Variants in TTLL8 observed in about 807,000 individuals in gnomAD.
TTLL8 encodes protein monoglycylase TTLL8.
Under a neutral mutation model 77.8 loss-of-function variants are expected in TTLL8, and 65 were observed. The ratio of observed to expected loss-of-function variants is 0.84; its 90% confidence interval spans 0.68 to 1.03. The LOEUF (loss-of-function observed/expected upper bound fraction) is 1.03, where lower values mean the gene tolerates loss of function less well. Ranked by LOEUF, TTLL8 falls within the 50% of genes least tolerant of loss-of-function variation. TTLL8 has a pLI of 0.00. For missense variants in TTLL8, 910 were observed against 1,004.5 expected, an observed-to-expected ratio of 0.91 and a Z score of 1.27; for synonymous variants, 402 against 422.8, an observed-to-expected ratio of 0.95 and a Z score of 0.60.
chr22:50,058,168 G>A (rs1158934299), upstream of TTLL8, among the ~76,000 whole-genome samples: 1 of 151,948 alleles, frequency 6.6e-6, no homozygotes, highest in African/African-American at 2.4e-5. The surrounding 1 kb of genome is among the most constrained non-coding windows in gnomAD (Gnocchi z 4.2). Flanking sequence ...GACCGGGTCA[G>A]TGGCTCGCGC....
At chr22:50,043,458 G>A (rs576264036) in intron 6 of TTLL8, among the ~76,000 whole-genome samples, 2 of 146,760 alleles carry the variant, frequency 1.4e-5, no homozygotes, top group South Asian at 4.4e-4. Context: ...TCGGTAGATG[G>A]ATAGATAGAT....
chr22:50,056,383 C>A (rs1221442030), upstream of TTLL8, among the ~76,000 whole-genome samples: 1 of 151,960 alleles, frequency 6.6e-6, no homozygotes, highest in African/African-American at 2.4e-5. This position sits in a 1 kb window ranked among gnomAD's most constrained non-coding sequence, Gnocchi z 4.1. Context: ...GCAGCGAGGA[C>A]ACCCACTGCG....
intron 12 of TTLL8, among the ~76,000 whole-genome samples, chr22:50,028,632 ACC>A: frequency 1.6e-5 from 1 of 62,744 alleles, no homozygotes; most frequent in Non-Finnish European, 3.5e-5. Context: ...ACCCCCACAT[ACC>A]CTCGTAAAGA....
At position 50,030,690 on chromosome 22, in the gene TTLL8, AG is replaced by A. The variant is rs1391385806; in HGVS notation, c.1942del (p.Leu648TrpfsTer7). On this transcript the variant is annotated frameshift_variant, in exon 12 of 14. Transcript: ENST00000266182. LOFTEE classifies it high-confidence loss of function. ...CCCCCTTAAGGGTGCCAGCAAGGCC[AG>A]GGGGAGCCCCTTCTCTTCCTTCAGT... is the stretch of plus-strand genomic sequence containing the variant. 8.5e-6 allele frequency: 11 copies of A among 1,286,634 alleles called. No individual in the cohort carries two copies. The highest frequency in any genetic ancestry group is 1.1e-5 in the Non-Finnish European group (11 of 983,456). 79.7% of individuals were successfully genotyped at this position (1,286,634 alleles called of 1,614,324 possible).
chr22:50,030,830 G>A, exon 12 of TTLL8: 3 of 1,345,314 alleles, frequency 2.2e-6, no homozygotes, highest in Non-Finnish European at 3.0e-6. Context: ...AGGCCTTGAG[G>A]TTGCAGACGG....
At chr22:50,050,241 T>C (rs750941445) in exon 2 of TTLL8, 63 of 1,327,784 alleles carry the variant, frequency 4.7e-5, no homozygotes, top group Non-Finnish European at 5.9e-5. Flanking sequence ...GAGAAAATCT[T>C]CTTCTCCTAA....
chr22:50,023,072 T>A (rs978708903), intron 12 of TTLL8, among the ~76,000 whole-genome samples: 1 of 152,224 alleles, frequency 6.6e-6, no homozygotes, highest in Non-Finnish European at 1.5e-5. Context: ...ACAGTGTCCA[T>A]GTACAAAACC....
chr22:50,046,189 A>C (rs2061410341), intron 4 of TTLL8, among the ~76,000 whole-genome samples: 1 of 152,160 alleles, frequency 6.6e-6, no homozygotes, highest in Non-Finnish European at 1.5e-5. Flanking sequence ...GGCCAGGCTC[A>C]GACGCATCCT....
At chr22:50,047,485 A>G (rs547048395) in intron 3 of TTLL8, among the ~76,000 whole-genome samples, 189 bp from the exon 6 acceptor site, 2 of 152,322 alleles carry the variant, frequency 1.3e-5, no homozygotes, top group South Asian at 2.1e-4. Flanking sequence ...CCAGGACCAC[A>G]TACGGTTTCC....
At chr22:50,051,687 C>G (rs1186019403) in intron 1 of TTLL8, among the ~76,000 whole-genome samples, 1 of 152,156 alleles carries the variant, frequency 6.6e-6, no homozygotes, top group Non-Finnish European at 1.5e-5. Context: ...ACCACTTCCA[C>G]GCGGACCTCT....
At chr22:50,056,789 G>A, upstream of TTLL8, 1 of 1,288,868 alleles carries the variant, frequency 7.8e-7, no homozygotes, top group Non-Finnish European at 1.0e-6. This position sits in a 1 kb window ranked among gnomAD's most constrained non-coding sequence, Gnocchi z 4.1. Context: ...TTTCCTGGCA[G>A]CAGGCTGCAG....
intron 10 of TTLL8, among the ~76,000 whole-genome samples, chr22:50,032,391 T>C (rs1275500192): frequency 6.6e-6 from 1 of 152,200 alleles, no homozygotes; most frequent in African/African-American, 2.4e-5. Context: ...CTGCCCTGCC[T>C]GGGAGCTGCT....
At chr22:50,027,676 T>G in intron 12 of TTLL8, 4 of 985,452 alleles carry the variant, frequency 4.1e-6, no homozygotes, top group Non-Finnish European at 4.8e-6. Flanking sequence ...CTGGCCGGAC[T>G]GGGCCTGGTG....
chr22:50,030,462 T>G, exon 12 of TTLL8: 1 of 1,341,804 alleles, frequency 7.5e-7, no homozygotes, highest in Non-Finnish European at 9.9e-7. Context: ...CAGCGCGCCC[T>G]CTGCTGTCTT....
At chr22:50,030,631 G>C in exon 12 of TTLL8, 1 of 1,291,214 alleles carries the variant, frequency 7.7e-7, no homozygotes, top group Non-Finnish European at 1.0e-6. Flanking sequence ...GCTTTGGTGC[G>C]GGTGGGCTGT....
Position 50,041,283 on chromosome 22 carries a change from G to C in TTLL8, c.831-6C>G, listed in dbSNP as rs556251277. The stretch of plus-strand genomic sequence containing the variant: ...TGCTACTCCCCAAAGGCACCCTGAG[G>C]GGGTATCATCCTCTCAACAGTCATC... On this transcript the variant is annotated splice_region_variant and splice_polypyrimidine_tract_variant and intron_variant, in intron 7 of 13. Transcript: ENST00000266182. This position sits in a 1 kb window ranked among gnomAD's most constrained non-coding sequence, Gnocchi z 4.3. 2.1e-4 allele frequency: 105 copies of C among 507,720 alleles called. 1 individual carries two copies. The highest frequency in any genetic ancestry group is 1.3e-3 in the South Asian group (84 of 66,460). 31.5% of individuals were successfully genotyped at this position (507,720 alleles called of 1,614,324 possible). A position where few individuals can be genotyped will look rare whatever the true frequency, so the allele number is the denominator to read the frequency against.
intron 12 of TTLL8, among the ~76,000 whole-genome samples, chr22:50,024,634 A>G (rs1034588958): frequency 6.6e-6 from 1 of 152,254 alleles, no homozygotes; most frequent in African/African-American, 2.4e-5. Flanking sequence ...TTTATTTAGG[A>G]AGCAAGAATT....
At position 50,030,977 on chromosome 22, in the gene TTLL8, G is replaced by C. The variant is rs1003806848; in HGVS notation, c.1708-52C>G. On this transcript the variant is annotated intron_variant, in intron 11 of 13. Coordinates refer to ENST00000266182, the Ensembl canonical transcript of TTLL8. Reference sequence around the variant, plus strand: ...CTGGGCTGTGGCCGGGATAGGGGGGGTCCCTGCAGGAGGGGTCTGTGCAGG... The same window carrying C: ...CTGGGCTGTGGCCGGGATAGGGGGGCTCCCTGCAGGAGGGGTCTGTGCAGG... 3.1e-6 allele frequency: 4 copies of C among 1,288,848 alleles called. No individual in the cohort carries two copies. In the East Asian group the frequency reaches 2.2e-4, roughly 69 times the overall value. The allele number at this position is 1,288,848 out of a possible 1,614,324, so 79.8% of individuals were successfully genotyped here. A position where few individuals can be genotyped will look rare whatever the true frequency, so the allele number is the denominator to read the frequency against.
At chr22:50,057,392 G>T (rs1364785191), upstream of TTLL8, among the ~76,000 whole-genome samples, 1 of 124,292 alleles carries the variant, frequency 8.0e-6, no homozygotes, top group Non-Finnish European at 1.6e-5. Context: ...TCTGGGTTGG[G>T]GTCAGGTCTG....
Sources: allele counts gnomAD v4.1 joint callset (sites outside exome capture counted in the v4.1 genomes callset), GRCh38; gene constraint gnomAD v4.1.1; non-coding constraint Gnocchi (gnomAD v3.1); transcripts MANE v1.5; gene names NCBI Gene and HGNC (gene_info 2026-07-23, HGNC 2026-07-21).